DPP10: variants seen among roughly 807,000 people sequenced by gnomAD.
DPP10 encodes inactive dipeptidyl peptidase 10.
A neutral mutation model predicts 120.9 loss-of-function variants in DPP10; 33 were observed. The observed-to-expected ratio is 0.27, with a 90% CI of 0.21 to 0.37. The LOEUF is 0.37. Ranked by LOEUF, DPP10 falls within the 10% of genes least tolerant of loss-of-function variation. DPP10 has a pLI of 1.00. For missense variants in DPP10, 816 were observed against 942.8 expected (o/e 0.87, Z 1.76); for synonymous variants, 337 against 326.1 (o/e 1.03, Z -0.36).
At chr2:114,867,392 A>G (rs1690324325) in intron 1 of DPP10, among the ~76,000 whole-genome samples, 1 of 152,164 alleles carries the variant, frequency 6.6e-6, no homozygotes, top group African/African-American at 2.4e-5. Context: ...GACTTATTTT[A>G]TTTTAAATAT....
chr2:114,638,878 G>A (rs781769371), intron 1 of DPP10, among the ~76,000 whole-genome samples: 1 of 151,780 alleles, frequency 6.6e-6, no homozygotes. Flanking sequence ...AAAACCATAG[G>A]AGCAAGTTAG....
At chr2:115,799,281 C>A (rs1684893462) in intron 19 of DPP10, among the ~76,000 whole-genome samples, 2 of 151,780 alleles carry the variant, frequency 1.3e-5, no homozygotes, top group Non-Finnish European at 2.9e-5. Flanking sequence ...ACAAAACATG[C>A]TGCATCTTTG....
intron 1 of DPP10, among the ~76,000 whole-genome samples, chr2:114,464,201 G>A (rs918727204): frequency 6.6e-6 from 1 of 152,202 alleles, no homozygotes; most frequent in African/African-American, 2.4e-5. Context: ...GTCTTTCGAA[G>A]TGGCTATACC....
Position 115,659,542 on chromosome 2 carries a change from T to C in DPP10, c.442-30145T>C, listed in dbSNP as rs189165296. 1.1e-3 allele frequency among the ~76,000 whole-genome samples: 168 copies of C among 152,202 alleles called. 1 individual carries two copies. Among genetic ancestry groups the C allele is most frequent in the Non-Finnish European group, 7.4e-4 (50 of 67,996 alleles). On this transcript the variant is annotated intron_variant, in intron 5 of 25. Coordinates refer to ENST00000410059, the MANE Select transcript of DPP10 (RefSeq NM_020868.6). ...CAAATATGAAAAGAAATAAAATGTG[T>C]TTGTTGTTTTGATTTAGCCACAAAT...
intron 3 of DPP10, among the ~76,000 whole-genome samples, chr2:115,381,459 T>A (rs558696858): frequency 1.3e-5 from 2 of 152,266 alleles, no homozygotes; most frequent in African/African-American, 2.4e-5. Context: ...TTCTTCTAAA[T>A]TTTTTTCAAA....
chr2:114,797,330 A>G (rs1683802681), intron 1 of DPP10, among the ~76,000 whole-genome samples: 1 of 152,162 alleles, frequency 6.6e-6, no homozygotes, highest in African/African-American at 2.4e-5. Context: ...TGTATTGACA[A>G]GAACTTAAAG....
At chr2:114,562,221 T>C (rs1296088983) in intron 1 of DPP10, among the ~76,000 whole-genome samples, 3 of 152,246 alleles carry the variant, frequency 2.0e-5, no homozygotes, top group Non-Finnish European at 4.4e-5. Context: ...TATGCTACCT[T>C]TTCTATTTTG....
chr2:114,762,106 T>A (rs1680334198), intron 1 of DPP10, among the ~76,000 whole-genome samples: 1 of 152,218 alleles, frequency 6.6e-6, no homozygotes, highest in Non-Finnish European at 1.5e-5. Flanking sequence ...TCACTGCTTT[T>A]ATTTGCTTCT....
At chr2:114,926,939 C>A (rs1245153099) in intron 1 of DPP10, among the ~76,000 whole-genome samples, 2 of 151,190 alleles carry the variant, frequency 1.3e-5, no homozygotes, top group African/African-American at 4.9e-5. Flanking sequence ...CAAGCTCTGC[C>A]TCCCAGGTTC....
chr2:115,195,458 G>A (rs2105258188), intron 1 of DPP10, among the ~76,000 whole-genome samples: 1 of 152,258 alleles, frequency 6.6e-6, no homozygotes, highest in South Asian at 2.1e-4. Context: ...AATACCTTGA[G>A]CTTGTGCTTC....
Position 115,777,278 on chromosome 2 carries a change from A to G in DPP10, c.1292A>G (p.Tyr431Cys). The G allele has an allele frequency of 6.2e-7, 1 of 1,613,036 alleles. No individual in the cohort carries two copies. Among genetic ancestry groups the G allele is most frequent in the Non-Finnish European group, 8.5e-7 (1 of 1,179,264 alleles). Residue 431 changes from tyrosine to cysteine, a missense_variant, in exon 14 of 26, where the codon TAC becomes TGC. Coordinates refer to ENST00000410059, the MANE Select transcript of DPP10 (RefSeq NM_020868.6). Reference sequence around the variant, plus strand: ...TGGGAAGTGATAAAGATCTTGGCATACGATGAAACTACTCAAAAAATGTGA... The same window carrying G: ...TGGGAAGTGATAAAGATCTTGGCATGCGATGAAACTACTCAAAAAATGTGA... The part of the protein sequence containing the change: ...GNWEVIKILA[Y>C]DETTQKIYFL...
intron 1 of DPP10, among the ~76,000 whole-genome samples, chr2:114,466,560 G>A (rs1445408996): frequency 1.3e-5 from 2 of 152,112 alleles, no homozygotes; most frequent in Admixed American, 1.3e-4. Context: ...TTGGAGCATG[G>A]CCTCAGCTTT....
intron 1 of DPP10, among the ~76,000 whole-genome samples, chr2:115,050,537 A>G (rs6751651): frequency 0.97 from 147,245 of 152,116 alleles, 71,472 homozygotes; most frequent in Middle Eastern, 1. Flanking sequence ...TTTCCTGGGG[A>G]AGTGAATAAA....
chr2:114,926,020 T>C (rs1010784697), intron 1 of DPP10, among the ~76,000 whole-genome samples: 2 of 152,310 alleles, frequency 1.3e-5, no homozygotes, highest in South Asian at 4.1e-4. Context: ...AAGTCTGGCA[T>C]TGAAATAGAC....
intron 3 of DPP10, among the ~76,000 whole-genome samples, chr2:115,469,368 A>C (rs1008451421): frequency 6.6e-6 from 1 of 152,168 alleles, no homozygotes; most frequent in African/African-American, 2.4e-5. Context: ...CACTGTACAA[A>C]GCTATCTGGG....
intron 5 of DPP10, among the ~76,000 whole-genome samples, chr2:115,594,900 C>T (rs998809861): frequency 2.6e-5 from 4 of 152,060 alleles, no homozygotes; most frequent in African/African-American, 9.7e-5. Context: ...AAATCCCATA[C>T]TATTTTGGAA....
intron 1 of DPP10, chr2:114,461,616 C>T: frequency 1.0e-6 from 1 of 985,402 alleles, no homozygotes; most frequent in Non-Finnish European, 1.2e-6. Context: ...ACCTAGAAGG[C>T]TTTAAGAAAG....
chr2:115,798,104 A>G (rs1684750327), intron 19 of DPP10, among the ~76,000 whole-genome samples: 1 of 151,974 alleles, frequency 6.6e-6, no homozygotes, highest in African/African-American at 2.4e-5. Context: ...GGGCTTATTA[A>G]TAGTTCCTAT....
intron 3 of DPP10, among the ~76,000 whole-genome samples, chr2:115,421,085 ATT>A (rs571965107): frequency 2.1e-5 from 3 of 143,452 alleles, no homozygotes; most frequent in Admixed American, 1.4e-4. Flanking sequence ...TAGTGGCCCT[ATT>A]TTTTTTTTTT....
Sources: gnomAD v4.1 joint callset for allele counts (sites outside exome capture counted in the v4.1 genomes callset) on GRCh38, gnomAD v4.1.1 for gene constraint, MANE v1.5 for transcripts, NCBI Gene and HGNC (gene_info 2026-07-23, HGNC 2026-07-21) for gene names.